Variants in SCHIP1 observed in about 807,000 individuals in gnomAD.
The protein encoded by SCHIP1 is schwannomin interacting protein 1, also known as schwannomin-interacting protein 1.
Under a neutral mutation model 29.7 loss-of-function variants are expected in SCHIP1, and 8 were observed. That is an observed-to-expected ratio of 0.27 (90% CI 0.16 to 0.49). SCHIP1 has a LOEUF of 0.49. SCHIP1 is among the 20% of genes least tolerant of loss of function. The pLI, the probability that SCHIP1 is intolerant of heterozygous loss-of-function variation, is 0.99. For synonymous variants in SCHIP1, 76 were observed against 94.9 expected, an observed-to-expected ratio of 0.80 and a Z score of 1.16; for missense variants, 193 against 294.6, an observed-to-expected ratio of 0.66 and a Z score of 2.52.
chr3:159,754,164 A>G, the SCHIP1 span, among the ~76,000 whole-genome samples: 1 of 152,360 alleles, frequency 6.6e-6, no homozygotes, highest in African/African-American at 2.4e-5. Context: ...TGAATTAATA[A>G]CAGGTTATGG....
chr3:159,597,633 T>A, the SCHIP1 span, among the ~76,000 whole-genome samples: 1 of 152,212 alleles, frequency 6.6e-6, no homozygotes, highest in Non-Finnish European at 1.5e-5. Context: ...ACAGGCTGAA[T>A]AATATTCCAT....
chr3:159,765,203 ACGCCCCCTCCCTGCGCTCCCGCC>A, the SCHIP1 span: 1 of 1,464,456 alleles, frequency 6.8e-7, no homozygotes, highest in Non-Finnish European at 9.1e-7. Flanking sequence ...CACAGCCCGC[ACGCCCCCTCCCTGCGCTCCCGCC>A]CGCCCGCGGC....
At chr3:159,336,105 C>G in the SCHIP1 span, among the ~76,000 whole-genome samples, 3 of 152,168 alleles carry the variant, frequency 2.0e-5, no homozygotes, top group African/African-American at 7.2e-5. Flanking sequence ...TGATGATGAG[C>G]ATTTTTTCAT....
the SCHIP1 span, among the ~76,000 whole-genome samples, chr3:159,353,421 A>C: frequency 6.6e-6 from 1 of 152,166 alleles, no homozygotes; most frequent in Non-Finnish European, 1.5e-5. Flanking sequence ...GTTTTCATTG[A>C]AAAAGTTTTG....
At chr3:159,661,530 C>T in the SCHIP1 span, among the ~76,000 whole-genome samples, 2 of 152,200 alleles carry the variant, frequency 1.3e-5, no homozygotes, top group East Asian at 3.9e-4. Context: ...GACACACAAT[C>T]AGTAGGGTTA....
the SCHIP1 span, chr3:159,274,618 T>A: frequency 1.2e-6 from 1 of 829,178 alleles, no homozygotes; most frequent in Admixed American, 6.2e-5. Context: ...AAATTTGTAG[T>A]TCTATGATAT....
chr3:159,609,171 G>A, the SCHIP1 span, among the ~76,000 whole-genome samples: 3 of 152,276 alleles, frequency 2.0e-5, no homozygotes, highest in East Asian at 5.8e-4. Flanking sequence ...TTCCAGTGGA[G>A]GGAGGGCATC....
the SCHIP1 span, among the ~76,000 whole-genome samples, chr3:159,275,347 C>G: frequency 6.6e-6 from 1 of 152,056 alleles, no homozygotes; most frequent in Non-Finnish European, 1.5e-5. Flanking sequence ...AAATTGTTCC[C>G]TTATGGCAAA....
At chr3:159,345,017 G>A in the SCHIP1 span, among the ~76,000 whole-genome samples, 16 of 152,106 alleles carry the variant, frequency 1.1e-4, no homozygotes, top group Admixed American at 9.8e-4. Flanking sequence ...GGGAGGCTGA[G>A]GCGCATTCAA....
chr3:159,653,443 T>A, the SCHIP1 span, among the ~76,000 whole-genome samples: 5 of 152,058 alleles, frequency 3.3e-5, no homozygotes, highest in Non-Finnish European at 7.4e-5. Flanking sequence ...TGCAGAGACA[T>A]GGATGAAGCT....
the SCHIP1 span, among the ~76,000 whole-genome samples, chr3:159,316,253 T>C: frequency 2.0e-5 from 3 of 152,126 alleles, no homozygotes; most frequent in Non-Finnish European, 4.4e-5. Context: ...GGTTCCACCA[T>C]AGGCTGTCTG....
chr3:159,523,285 G>A, the SCHIP1 span, among the ~76,000 whole-genome samples: 2 of 152,140 alleles, frequency 1.3e-5, no homozygotes, highest in African/African-American at 4.8e-5. Flanking sequence ...TCTTATAAAT[G>A]TTATAGTTTT....
chr3:159,846,529 A>G (rs753993437), intron 1 of SCHIP1, among the ~76,000 whole-genome samples: 1 of 152,170 alleles, frequency 6.6e-6, no homozygotes, highest in Non-Finnish European at 1.5e-5. Context: ...TGAGAAAACA[A>G]AGTATCAAAT....
the SCHIP1 span, among the ~76,000 whole-genome samples, chr3:159,632,874 T>A: frequency 7.5e-4 from 114 of 152,314 alleles, no homozygotes; most frequent in Admixed American, 1.7e-3. Context: ...GCTTGAAAGC[T>A]CCTTAACTGT....
chr3:159,565,566 A>G, the SCHIP1 span, among the ~76,000 whole-genome samples: 2 of 152,176 alleles, frequency 1.3e-5, no homozygotes, highest in African/African-American at 4.8e-5. Context: ...GAGAGAGAAC[A>G]GTTATGGATA....
the SCHIP1 span, among the ~76,000 whole-genome samples, chr3:159,489,314 A>C: frequency 6.6e-6 from 1 of 151,832 alleles, no homozygotes; most frequent in Non-Finnish European, 1.5e-5. Context: ...AGAAACATTT[A>C]TTTATTTAAG....
the SCHIP1 span, among the ~76,000 whole-genome samples, chr3:159,778,543 A>G: frequency 6.6e-6 from 1 of 152,196 alleles, no homozygotes; most frequent in Non-Finnish European, 1.5e-5. Flanking sequence ...GAAATTAAAA[A>G]GGGTATACTA....
the SCHIP1 span, among the ~76,000 whole-genome samples, chr3:159,655,145 T>C: frequency 6.6e-6 from 1 of 152,222 alleles, no homozygotes; most frequent in African/African-American, 2.4e-5. Flanking sequence ...CTAAACTTAC[T>C]TCATAGGTTT....
the SCHIP1 span, among the ~76,000 whole-genome samples, chr3:159,590,089 G>C: frequency 6.6e-6 from 1 of 152,016 alleles, no homozygotes; most frequent in East Asian, 1.9e-4. Flanking sequence ...CTGGGAGGAG[G>C]GGCCCCATGC....
Sources: allele counts gnomAD v4.1 joint callset (sites outside exome capture counted in the v4.1 genomes callset), GRCh38; gene constraint gnomAD v4.1.1; transcripts MANE v1.5; gene names NCBI Gene and HGNC (gene_info 2026-07-23, HGNC 2026-07-21).